TRIM42: variants seen among roughly 807,000 people sequenced by gnomAD.
TRIM42 encodes tripartite motif containing 42.
A neutral mutation model predicts 64.9 loss-of-function variants in TRIM42; 59 were observed. That is an observed-to-expected ratio of 0.91 (90% CI 0.74 to 1.13). The LOEUF (loss-of-function observed/expected upper bound fraction) is 1.13. Ranked by LOEUF, TRIM42 falls within the 50% of genes most tolerant of loss-of-function variation. The pLI is 0.00. For synonymous variants in TRIM42, 354 were observed against 346.3 expected (o/e 1.02, Z -0.25); for missense variants, 878 against 929.5 (o/e 0.94, Z 0.72).
intron 1 of TRIM42, among the ~76,000 whole-genome samples, chr3:140,682,073 C>CA (rs1381062902): frequency 6.6e-6 from 1 of 152,186 alleles, no homozygotes; most frequent in African/African-American, 2.4e-5. Flanking sequence ...TTCAACCGAA[C>CA]ACCAAGGCCT....
At chr3:140,698,816 T>C (rs1292333562) in intron 4 of TRIM42, among the ~76,000 whole-genome samples, 1 of 152,110 alleles carries the variant, frequency 6.6e-6, no homozygotes, top group Admixed American at 6.5e-5. Context: ...CTATCTCCTA[T>C]AAAGAATGAT....
intron 3 of TRIM42, among the ~76,000 whole-genome samples, chr3:140,689,961 C>A (rs1184557577): frequency 6.6e-6 from 1 of 151,960 alleles, no homozygotes; most frequent in African/African-American, 2.4e-5. Context: ...CCCCATGCCA[C>A]CTATTAGTCA....
rs151006722 is a variant in TRIM42, at chr3:140,690,842, G to A, written c.1861-126G>A. The A allele has an allele frequency of 2.6e-3, 1,781 of 695,650 alleles. 29 individuals carry two copies. Among genetic ancestry groups the A allele is most frequent in the East Asian group, 0.02 (769 of 37,538 alleles). 43.1% of individuals were successfully genotyped at this position (695,650 alleles called of 1,614,324 possible). On this transcript the variant is annotated intron_variant, in intron 3 of 4. Transcript: ENST00000286349. Reference sequence around the variant, plus strand: ...GTGCATGGTCTAATTAAAAGTCTTCGGTAGCTACAGGGGATGGGGTCAGCT... The same window carrying A: ...GTGCATGGTCTAATTAAAAGTCTTCAGTAGCTACAGGGGATGGGGTCAGCT...
Position 140,688,187 on chromosome 3 carries a change from ACTCC to A in TRIM42, c.1508_1511del (p.Ser503CysfsTer12). On this transcript the variant is annotated frameshift_variant, in exon 3 of 5. Coordinates refer to ENST00000286349, the MANE Select transcript of TRIM42 (RefSeq NM_152616.5). LOFTEE classifies it high-confidence loss of function. Reference sequence around the variant, plus strand: ...CCCAAGAAGGTACGCTCCTCAGGGGACTCCCTGCCCTCCCCCTACCCCGTGCACT... The same window carrying A: ...CCCAAGAAGGTACGCTCCTCAGGGGACTGCCCTCCCCCTACCCCGTGCACT... The A allele has an allele frequency of 6.2e-7, 1 of 1,613,784 alleles. No individual in the cohort carries two copies. The highest frequency in any genetic ancestry group is 8.5e-7 in the Non-Finnish European group (1 of 1,179,952).
At position 140,678,282 on chromosome 3, in the gene TRIM42, G is replaced by T; in HGVS notation, c.53G>T (p.Cys18Phe). Residue 18 changes from cysteine to phenylalanine, a missense_variant, in exon 1 of 5, where the codon TGT (cysteine) becomes TTT (phenylalanine). Transcript: ENST00000286349. ...CCPCCTWQRC[C>F]PQLCSCLCCK... Reference sequence around the variant, plus strand: ...CCATGTTGTACATGGCAGAGATGTTGTCCTCAGTTATGCTCCTGTCTGTGC... The same window carrying T: ...CCATGTTGTACATGGCAGAGATGTTTTCCTCAGTTATGCTCCTGTCTGTGC... 1.9e-6 allele frequency: 3 copies of T among 1,614,200 alleles called. No homozygotes were observed. The highest frequency in any genetic ancestry group is 2.5e-6 in the Non-Finnish European group (3 of 1,180,036).
chr3:140,697,358 C>G (rs917948029), intron 4 of TRIM42, among the ~76,000 whole-genome samples: 1 of 152,102 alleles, frequency 6.6e-6, no homozygotes. Flanking sequence ...TCAAAATCAT[C>G]AATTATTTTT....
At chr3:140,685,388 A>G (rs1427119394) in intron 2 of TRIM42, among the ~76,000 whole-genome samples, 1 of 152,222 alleles carries the variant, frequency 6.6e-6, no homozygotes, top group African/African-American at 2.4e-5. Context: ...AAGGTCGAGA[A>G]CCACTGAAAT....
chr3:140,679,628 G>T (rs1387563746), intron 1 of TRIM42, among the ~76,000 whole-genome samples: 1 of 152,142 alleles, frequency 6.6e-6, no homozygotes, highest in Non-Finnish European at 1.5e-5. Flanking sequence ...CATAGTGTTT[G>T]CATAAATAGG....
intron 2 of TRIM42, among the ~76,000 whole-genome samples, chr3:140,683,696 T>C (rs146355018): frequency 1.2e-4 from 18 of 152,336 alleles, no homozygotes; most frequent in African/African-American, 3.4e-4. Context: ...CCATGAATTT[T>C]TTCCAAAACT....
chr3:140,698,566 T>C (rs79715340), intron 4 of TRIM42, among the ~76,000 whole-genome samples: 5 of 152,316 alleles, frequency 3.3e-5, no homozygotes, highest in African/African-American at 7.2e-5. Context: ...GTAGTAATTA[T>C]TTTACTTTGT....
At chr3:140,700,335 C>A (rs975979836) in intron 4 of TRIM42, among the ~76,000 whole-genome samples, 2 of 152,110 alleles carry the variant, frequency 1.3e-5, no homozygotes, top group Admixed American at 6.5e-5. Context: ...AAACAACTGG[C>A]AGATTTACAA....
intron 4 of TRIM42, among the ~76,000 whole-genome samples, chr3:140,692,562 C>CACACACACAG (rs375439126): frequency 0.011 from 1,283 of 114,070 alleles, 33 homozygotes; most frequent in East Asian, 0.027. Context: ...CACACACACA[C>CACACACACAG]AGAGAGAGAT....
Position 140,691,167 on chromosome 3 carries a change from C to T in TRIM42, c.2060C>T (p.Pro687Leu). ...FKVRAINDNG[P>L]GQWSDICKVV... ...GTTAGAGCCATCAATGATAATGGTC[C>T]TGGGCAATGGAGTGATATCTGCAAG... Residue 687 changes from proline to leucine, a missense_variant, in exon 4 of 5, where the codon CCT becomes CTT. Pro to Leu is a moderately conservative substitution (Grantham distance 98). Coordinates refer to ENST00000286349, the MANE Select transcript of TRIM42 (RefSeq NM_152616.5). 1 of 1,614,060 alleles carries T rather than the reference C, an allele frequency of 6.2e-7. No individual in the cohort carries two copies.
chr3:140,688,524 G>T lies in TRIM42; in HGVS notation c.1842G>T (p.Val614=). The change falls in exon 3 of 5, where the codon GTG becomes GTT. Residue 614 remains valine, a synonymous_variant. Transcript: ENST00000286349. Reference sequence around the variant, plus strand: ...CAATTGTTATCTACCAGACTCTGGTGTACCCAAGAGCTGCCAAGGTAAGAA... The same window carrying T: ...CAATTGTTATCTACCAGACTCTGGTTTACCCAAGAGCTGCCAAGGTAAGAA... ...PGPIVIYQTL[V]YPRAAKVYWT... 6.2e-7 allele frequency: 1 copy of T among 1,609,880 alleles called. No homozygotes were observed. Among genetic ancestry groups the T allele is most frequent in the Non-Finnish European group, 8.5e-7 (1 of 1,177,778 alleles).
At position 140,678,501 on chromosome 3, in the gene TRIM42, A is replaced by T. The variant is rs755054531; in HGVS notation, c.272A>T (p.Tyr91Phe). The T allele has an allele frequency of 2.5e-6, 4 of 1,613,980 alleles. No individual in the cohort carries two copies. The highest frequency in any genetic ancestry group is 3.4e-6 in the Non-Finnish European group (4 of 1,180,020). Reference sequence around the variant, plus strand: ...AGCAGCAATCTCAACTGCTACTACTATGAGAGCCGCTGCTGCCGCAATACC... The same window carrying T: ...AGCAGCAATCTCAACTGCTACTACTTTGAGAGCCGCTGCTGCCGCAATACC... ...TASSNLNCYY[Y>F]ESRCCRNTII... The change falls in exon 1 of 5, where the codon TAT (tyrosine) becomes TTT (phenylalanine). Residue 91 changes from tyrosine to phenylalanine, a missense_variant. By Grantham distance (22) the Tyr-to-Phe change is conservative. Coordinates refer to ENST00000286349, the MANE Select transcript of TRIM42 (RefSeq NM_152616.5).
At chr3:140,685,449 A>C (rs1358772036) in intron 2 of TRIM42, among the ~76,000 whole-genome samples, 1 of 152,204 alleles carries the variant, frequency 6.6e-6, no homozygotes, top group Admixed American at 6.5e-5. Context: ...TGGTTCAAGG[A>C]CCAGTAGCAT....
At chr3:140,695,091 A>C (rs1187499207) in intron 4 of TRIM42, among the ~76,000 whole-genome samples, 1 of 151,912 alleles carries the variant, frequency 6.6e-6, no homozygotes, top group Non-Finnish European at 1.5e-5. Context: ...CTAAAAATTA[A>C]AAAAAAGTCA....
chr3:140,693,055 T>TTACCACAGCACTTTGCA (rs1243862621), intron 4 of TRIM42, among the ~76,000 whole-genome samples: 1 of 152,194 alleles, frequency 6.6e-6, no homozygotes, highest in African/African-American at 2.4e-5. Context: ...CCCACAGTGC[T>TTACCACAGCACTTTGCA]TACCACAGCA....
Position 140,682,472 on chromosome 3 carries a change from G to T in TRIM42, c.352G>T (p.Ala118Ser). The T allele has an allele frequency of 1.2e-6, 2 of 1,612,812 alleles. No individual in the cohort carries two copies. The highest frequency in any genetic ancestry group is 1.7e-6 in the Non-Finnish European group (2 of 1,179,060). The change falls in exon 2 of 5, where the codon GCC (alanine) becomes TCC (serine). Residue 118 changes from alanine (A) to serine (S), a missense_variant. Coordinates refer to ENST00000286349, the MANE Select transcript of TRIM42 (RefSeq NM_152616.5). ...TGCTTCTCCTTTCAGCTCCAAGACTGCCCTGCGCACTGGGAGCAGCGATAC... is the reference window on the plus strand; with the variant it reads ...TGCTTCTCCTTTCAGCTCCAAGACTTCCCTGCGCACTGGGAGCAGCGATAC... Reference protein sequence around the residue: ...LRSIHTSSKTALRTGSSDTQV... With the variant: ...LRSIHTSSKTSLRTGSSDTQV...
Sources: gnomAD v4.1 joint callset for allele counts (sites outside exome capture counted in the v4.1 genomes callset) on GRCh38, gnomAD v4.1.1 for gene constraint, MANE v1.5 for transcripts, NCBI Gene and HGNC (gene_info 2026-07-23, HGNC 2026-07-21) for gene names.